CALN1: variants seen among roughly 807,000 people sequenced by gnomAD.
CALN1 encodes the protein calneuron 1.
Under a neutral mutation model 30.6 loss-of-function variants are expected in CALN1, and 17 were observed. The observed-to-expected ratio is 0.56, with a 90% CI of 0.38 to 0.83. The LOEUF is 0.83. Among genes scored for constraint, CALN1 ranks in the 40% least tolerant of loss-of-function variants. The pLI is 0.00. For synonymous variants in CALN1, 156 were observed against 131.4 expected (o/e 1.19, Z -1.28); for missense variants, 291 against 354.9 (o/e 0.82, Z 1.45).
At chr7:71,928,192 ATACCCTG>A (rs796211487) in intron 5 of CALN1, among the ~76,000 whole-genome samples, 7 of 152,306 alleles carry the variant, frequency 4.6e-5, no homozygotes, top group African/African-American at 1.7e-4. Context: ...TCCATGGAGA[ATACCCTG>A]TAAGTGGGCG....
intron 1 of CALN1, among the ~76,000 whole-genome samples, chr7:72,432,919 A>G (rs1440930487): frequency 2.0e-5 from 3 of 152,156 alleles, no homozygotes; most frequent in Non-Finnish European, 4.4e-5. Context: ...TTACATATTC[A>G]TGTAATCGTG....
At chr7:71,803,660 A>C (rs1279043515) in intron 6 of CALN1, among the ~76,000 whole-genome samples, 2 of 151,976 alleles carry the variant, frequency 1.3e-5, no homozygotes, top group Non-Finnish European at 2.9e-5. Flanking sequence ...TTTTTAGTAG[A>C]GACAGGGTTT....
the CALN1 span, among the ~76,000 whole-genome samples, chr7:72,484,206 G>A: frequency 6.6e-6 from 1 of 151,944 alleles, no homozygotes; most frequent in African/African-American, 2.4e-5. Context: ...TTGGATATGA[G>A]TTCATATTGT....
chr7:72,168,356 T>C lies in CALN1; in HGVS notation c.245-62062A>G, dbSNP rs141172035. 7.2e-5 allele frequency among the ~76,000 whole-genome samples: 11 copies of C among 152,340 alleles called. No homozygotes were observed. In the East Asian group the frequency reaches 2.1e-3, roughly 29 times the overall value. On this transcript the variant is annotated intron_variant, in intron 3 of 6. Transcript: ENST00000395275. ...AAGGTTGATTATTTGTGAACTAGAC[T>C]GTGAATAAATTTTTTAAAAAGTTAT...
intron 5 of CALN1, among the ~76,000 whole-genome samples, chr7:71,882,156 C>T (rs1792610896): frequency 6.6e-6 from 1 of 152,172 alleles, no homozygotes; most frequent in African/African-American, 2.4e-5. Flanking sequence ...AATCCATTTC[C>T]TCGCTTCTTT....
intron 5 of CALN1, among the ~76,000 whole-genome samples, chr7:71,827,469 G>A (rs1278890317): frequency 1.3e-5 from 2 of 152,094 alleles, no homozygotes; most frequent in Admixed American, 1.3e-4. Context: ...CGTAGGCAAA[G>A]ATAAGAAACA....
chr7:72,049,494 T>C (rs1320275372), intron 4 of CALN1, among the ~76,000 whole-genome samples: 1 of 152,146 alleles, frequency 6.6e-6, no homozygotes, highest in African/African-American at 2.4e-5. Flanking sequence ...ATTTTACTTA[T>C]GATAGCAATA....
chr7:72,054,476 CATACATATATAT>C (rs1803087640), intron 4 of CALN1, among the ~76,000 whole-genome samples: 10 of 89,578 alleles, frequency 1.1e-4, no homozygotes, highest in Non-Finnish European at 2.3e-4. Context: ...TACATATATA[CATACATATATAT>C]ATACATATAT....
Position 71,885,128 on chromosome 7 carries a change from C to T in CALN1, c.502-74636G>A, listed in dbSNP as rs553917790. On this transcript the variant is annotated intron_variant, in intron 5 of 6. Transcript: ENST00000395275. ...CCCGCTCCGCTTTGAGTTGTCCTGC[C>T]TTTCTGGACCAAACCAATGTTATTT... Among the ~76,000 whole-genome samples, 9 of 152,266 alleles carry T rather than the reference C, an allele frequency of 5.9e-5. No homozygotes were observed. The South Asian group carries it at 1.9e-3, about 32-fold the overall frequency.
intron 4 of CALN1, among the ~76,000 whole-genome samples, chr7:72,062,787 C>T (rs1292535341): frequency 1.3e-5 from 2 of 152,108 alleles, no homozygotes; most frequent in Non-Finnish European, 2.9e-5. Flanking sequence ...AAGAAAGACA[C>T]ATCCTAAATA....
intron 2 of CALN1, among the ~76,000 whole-genome samples, chr7:72,338,525 G>GTGTGTGTGTGTGTCTGTCTGTCTTTC: frequency 4.9e-5 from 6 of 122,378 alleles, no homozygotes; most frequent in African/African-American, 1.9e-4. Context: ...GTGTGTGTGT[G>GTGTGTGTGTGTGTCTGTCTGTCTTTC]TGTCTCACCT....
chr7:72,040,220 ATC>A (rs1454134585), intron 4 of CALN1, among the ~76,000 whole-genome samples: 2 of 152,112 alleles, frequency 1.3e-5, no homozygotes, highest in Admixed American at 1.3e-4. Flanking sequence ...CATGCTTGTA[ATC>A]TCATCACTTT....
chr7:72,444,604 C>T (rs749344561), intron 1 of CALN1, among the ~76,000 whole-genome samples: 6 of 152,086 alleles, frequency 3.9e-5, no homozygotes, highest in Non-Finnish European at 7.4e-5. Flanking sequence ...CATCCCTGCC[C>T]TCAGAAAAGG....
At chr7:72,400,792 C>T (rs773607797) in intron 2 of CALN1, among the ~76,000 whole-genome samples, 1 of 152,192 alleles carries the variant, frequency 6.6e-6, no homozygotes, top group African/African-American at 2.4e-5. Flanking sequence ...TGAGACCCAC[C>T]CTCTGCCCAC....
Position 72,397,476 on chromosome 7 carries a change from G to A in CALN1, c.119+5775C>T, listed in dbSNP as rs1436055092. ...TCATTCATCTCCCCAGTATGATCAG[G>A]ACTTGCAGCAGATATAAGAATGAAT... is the stretch of plus-strand genomic sequence containing the variant. On this transcript the variant is annotated intron_variant, in intron 2 of 6. Transcript: ENST00000395275. 2.0e-5 allele frequency among the ~76,000 whole-genome samples: 3 copies of A among 152,116 alleles called. No homozygotes were observed. The East Asian group carries it at 5.8e-4, about 29-fold the overall frequency.
intron 1 of CALN1, among the ~76,000 whole-genome samples, chr7:72,409,900 G>A (rs190780211): frequency 2.6e-5 from 4 of 152,192 alleles, no homozygotes; most frequent in Non-Finnish European, 4.4e-5. Flanking sequence ...CAATTGTTGA[G>A]GGCCACATTA....
intron 2 of CALN1, among the ~76,000 whole-genome samples, chr7:72,314,704 C>A (rs1800314622): frequency 6.6e-6 from 1 of 151,750 alleles, no homozygotes. Flanking sequence ...CGTGAGCCAC[C>A]GTGCCCGGCC....
chr7:72,469,698 C>T, the CALN1 span, among the ~76,000 whole-genome samples: 676 of 152,258 alleles, frequency 4.4e-3, no homozygotes, highest in Non-Finnish European at 7.3e-3. Context: ...CGCACCCAGC[C>T]GGTTTATTTC....
chr7:72,322,069 T>C (rs1800920229), intron 2 of CALN1, among the ~76,000 whole-genome samples: 1 of 152,210 alleles, frequency 6.6e-6, no homozygotes, highest in Admixed American at 6.5e-5. Context: ...ATTTCTATTA[T>C]TATTAGATTG....
Sources: allele counts gnomAD v4.1 joint callset (sites outside exome capture counted in the v4.1 genomes callset), GRCh38; gene constraint gnomAD v4.1.1; transcripts MANE v1.5; gene names NCBI Gene and HGNC (gene_info 2026-07-23, HGNC 2026-07-21).